The following ARSJ variants were observed in gnomAD, a reference collection of about 807,000 sequenced individuals.
The protein encoded by ARSJ is arylsulfatase J.
Under a neutral mutation model 35.9 loss-of-function variants are expected in ARSJ, and 26 were observed. The ratio of observed to expected loss-of-function variants is 0.72; its 90% CI spans 0.53 to 1.00. ARSJ has a LOEUF of 1.00. Among genes scored for constraint, ARSJ ranks in the 50% least tolerant of loss-of-function variants. The pLI is 0.00. For synonymous variants in ARSJ, 294 were observed against 267.6 expected, an observed-to-expected ratio of 1.10 and a Z score of -0.96; for missense variants, 667 against 723.6, an observed-to-expected ratio of 0.92 and a Z score of 0.90.
At chr4:113,940,449 T>A (rs758120090) in intron 1 of ARSJ, among the ~76,000 whole-genome samples, 2 of 151,880 alleles carry the variant, frequency 1.3e-5, no homozygotes, top group African/African-American at 2.4e-5. Flanking sequence ...TAGGAACACA[T>A]GAACATAATG....
intron 1 of ARSJ, chr4:113,944,395 G>C (rs372614055): frequency 6.6e-5 from 10 of 152,104 alleles, no homozygotes; most frequent in African/African-American, 2.4e-4. Context: ...TTCCCTGTCA[G>C]GTAGGCAGGT....
intron 1 of ARSJ, among the ~76,000 whole-genome samples, chr4:113,918,794 A>G (rs1723479542): frequency 6.6e-6 from 1 of 151,990 alleles, no homozygotes; most frequent in African/African-American, 2.4e-5. Flanking sequence ...TGAAAAAATT[A>G]TTATTATTAT....
At chr4:113,931,032 G>A (rs1025692884) in intron 1 of ARSJ, among the ~76,000 whole-genome samples, 3 of 151,926 alleles carry the variant, frequency 2.0e-5, no homozygotes, top group African/African-American at 4.8e-5. Flanking sequence ...TGGTGGGGTG[G>A]GGGGAAAGGG....
intron 1 of ARSJ, among the ~76,000 whole-genome samples, chr4:113,967,031 G>C (rs1726935288): frequency 6.6e-6 from 1 of 152,178 alleles, no homozygotes; most frequent in African/African-American, 2.4e-5. Flanking sequence ...TCCCTACGAG[G>C]CTCAGTTGGT....
rs1443495118 is a variant in ARSJ, at chr4:113,903,646, G to C, written c.428C>G (p.Ser143Cys). 6.2e-7 allele frequency: 1 copy of C among 1,613,424 alleles called. No homozygotes were observed. Among genetic ancestry groups the C allele is most frequent in the Non-Finnish European group, 8.5e-7 (1 of 1,179,378 alleles). The change falls in exon 2 of 2, where the codon TCT (serine) becomes TGT (cysteine). Residue 143 changes from serine to cysteine, a missense_variant. Transcript: ENST00000315366. ...KYQIHTGLQH[S>C]IIRPTQPNCL... ...GTTGGGTTGGGTAGGTCTTATGATA[G>C]AATGTTGAAGTCCGGTGTGTATCTG...
chr4:113,953,414 C>A (rs1725981650), intron 1 of ARSJ, among the ~76,000 whole-genome samples: 1 of 151,994 alleles, frequency 6.6e-6, no homozygotes. Flanking sequence ...CAAAATATAT[C>A]CTATTAATAC....
At chr4:113,924,920 A>T (rs933019657) in intron 1 of ARSJ, among the ~76,000 whole-genome samples, 10 of 152,044 alleles carry the variant, frequency 6.6e-5, no homozygotes, top group African/African-American at 2.4e-4. Flanking sequence ...GCACCTCAGC[A>T]GGTTGTGGTT....
At chr4:113,957,365 A>T (rs911880762) in intron 1 of ARSJ, among the ~76,000 whole-genome samples, 1 of 152,088 alleles carries the variant, frequency 6.6e-6, no homozygotes, top group African/African-American at 2.4e-5. Context: ...ACCTCTCCTG[A>T]GAAAAAAATA....
intron 1 of ARSJ, among the ~76,000 whole-genome samples, chr4:113,917,811 G>A (rs1233506988): frequency 6.6e-6 from 1 of 152,028 alleles, no homozygotes; most frequent in African/African-American, 2.4e-5. Flanking sequence ...CAATATAGCT[G>A]AAAATCAAAA....
intron 1 of ARSJ, among the ~76,000 whole-genome samples, chr4:113,972,312 A>AAC (rs1727313776): frequency 6.7e-6 from 1 of 149,908 alleles, no homozygotes; most frequent in African/African-American, 2.4e-5. Context: ...AAAAACAAAA[A>AAC]AAAAAACCCC....
At chr4:113,904,428 A>C (rs957044417) in intron 1 of ARSJ, among the ~76,000 whole-genome samples, 1 of 152,200 alleles carries the variant, frequency 6.6e-6, no homozygotes, top group African/African-American at 2.4e-5. Flanking sequence ...CTAACTCTTA[A>C]GTACTAAAAA....
intron 1 of ARSJ, among the ~76,000 whole-genome samples, chr4:113,918,470 T>A (rs1294712643): frequency 5.3e-5 from 8 of 152,144 alleles, no homozygotes; most frequent in African/African-American, 1.9e-4. Flanking sequence ...AATCAATAGA[T>A]GTAACTCAGA....
intron 1 of ARSJ, among the ~76,000 whole-genome samples, chr4:113,960,577 A>G (rs1046583264): frequency 8.5e-5 from 13 of 152,232 alleles, no homozygotes; most frequent in African/African-American, 3.1e-4. Flanking sequence ...TAGAAAAAAA[A>G]GAATCAAAGA....
intron 1 of ARSJ, among the ~76,000 whole-genome samples, chr4:113,924,336 C>T (rs1352665271): frequency 4.0e-5 from 6 of 151,762 alleles, no homozygotes; most frequent in South Asian, 4.2e-4. Flanking sequence ...GCTTTATATT[C>T]GGTGGCAGGT....
chr4:113,946,597 CAGTA>C lies in ARSJ; in HGVS notation c.398+31836_398+31839del, dbSNP rs556350285. Among the ~76,000 whole-genome samples the C allele has an allele frequency of 1.6e-3, 232 of 146,094 alleles. 1 individual carries two copies. The highest frequency in any genetic ancestry group is 7.1e-4 in the Non-Finnish European group (47 of 65,998). On this transcript the variant is annotated intron_variant, in intron 1 of 1. Coordinates refer to ENST00000315366, the MANE Select transcript of ARSJ (RefSeq NM_024590.4). ...TACACACACACACACACACACACGT[CAGTA>C]AGTATGATTTATATATTTGATATGC...
At chr4:113,940,232 A>G (rs1350539332) in intron 1 of ARSJ, among the ~76,000 whole-genome samples, 5 of 152,314 alleles carry the variant, frequency 3.3e-5, no homozygotes, top group South Asian at 4.1e-4. Context: ...AACACATGGA[A>G]TCAACCCAAA....
At chr4:113,914,308 A>T (rs949558075) in intron 1 of ARSJ, among the ~76,000 whole-genome samples, 10 of 151,914 alleles carry the variant, frequency 6.6e-5, no homozygotes, top group Admixed American at 5.3e-4. Context: ...ATGATCTCTC[A>T]CTCTGCTTTA....
intron 1 of ARSJ, among the ~76,000 whole-genome samples, chr4:113,909,150 A>G (rs1354107500): frequency 1.3e-5 from 2 of 152,150 alleles, no homozygotes; most frequent in African/African-American, 4.8e-5. Flanking sequence ...GGAAAAAAAA[A>G]GAATTAGGAA....
chr4:113,927,959 T>A (rs960719633), intron 1 of ARSJ, among the ~76,000 whole-genome samples: 8 of 152,130 alleles, frequency 5.3e-5, no homozygotes, highest in African/African-American at 1.7e-4. Context: ...ACCCTACCAG[T>A]CAGGAAGCCA....
Sources: allele counts gnomAD v4.1 joint callset (sites outside exome capture counted in the v4.1 genomes callset), GRCh38; gene constraint gnomAD v4.1.1; transcripts MANE v1.5; gene names NCBI Gene and HGNC (gene_info 2026-07-23, HGNC 2026-07-21).